The following ITGBL1 variants were observed in gnomAD, a reference collection of about 807,000 sequenced individuals.
ITGBL1 encodes the protein integrin subunit beta like 1, also known as integrin beta-like protein 1.
In ITGBL1, 51 loss-of-function variants were observed where a neutral mutation model predicts 68.5. That is an observed-to-expected ratio of 0.74 (90% confidence interval 0.59 to 0.94). The LOEUF (loss-of-function observed/expected upper bound fraction) is 0.94. Ranked by LOEUF, ITGBL1 falls within the 40% of genes least tolerant of loss-of-function variation. The pLI is 0.00. For synonymous variants in ITGBL1, 209 were observed against 227.3 expected, an observed-to-expected ratio of 0.92 and a Z score of 0.72; for missense variants, 649 against 647.4, an observed-to-expected ratio of 1.00 and a Z score of -0.03.
chr13:101,578,132 G>A lies in ITGBL1; in HGVS notation c.587-1155G>A, dbSNP rs76502305. Among the ~76,000 whole-genome samples the A allele has an allele frequency of 9.8e-3, 1,498 of 152,184 alleles. 23 individuals carry two copies. Among genetic ancestry groups the A allele is most frequent in the African/African-American group, 0.034 (1,415 of 41,522 alleles). The stretch of plus-strand genomic sequence containing the variant: ...GTCTCATCTGCTGGACATGAATAGC[G>A]TAGGATACCAGAATATTCTGTTGTA... On this transcript the variant is annotated intron_variant, in intron 4 of 10. Coordinates refer to ENST00000376180, the MANE Select transcript of ITGBL1 (RefSeq NM_004791.3).
In ITGBL1 at chr13:101,592,095, A is replaced by G. The variant is rs548834786; in HGVS notation, c.869-6058A>G. Among the ~76,000 whole-genome samples the G allele has an allele frequency of 4.6e-5, 7 of 152,298 alleles. No individual in the cohort carries two copies. In the East Asian group the frequency reaches 1.4e-3, roughly 29 times the overall value. ...CCACTCTGTAGGAAGCAGAATCAGG[A>G]TTTGAACCCATTATTTTATTGATAA... is the stretch of plus-strand genomic sequence containing the variant. On this transcript the variant is annotated intron_variant, in intron 6 of 10. Transcript: ENST00000376180.
intron 2 of ITGBL1, among the ~76,000 whole-genome samples, chr13:101,538,185 T>C (rs2049612843): frequency 6.6e-6 from 1 of 152,056 alleles, no homozygotes; most frequent in Non-Finnish European, 1.5e-5. Context: ...AAATAGGATT[T>C]GTAGAGACAA....
intron 7 of ITGBL1, among the ~76,000 whole-genome samples, chr13:101,678,916 ATTT>A (rs36009434): frequency 1.3e-5 from 2 of 149,062 alleles, no homozygotes; most frequent in African/African-American, 4.9e-5. Flanking sequence ...ACTTTTTTTA[ATTT>A]TTTTTTTTAT....
At chr13:101,563,780 A>C (rs2050137650) in intron 2 of ITGBL1, among the ~76,000 whole-genome samples, 2 of 152,052 alleles carry the variant, frequency 1.3e-5, no homozygotes, top group African/African-American at 4.8e-5. Context: ...TAGAGAATAC[A>C]TTTCAAATCA....
At chr13:101,543,995 C>T (rs955134203) in intron 2 of ITGBL1, among the ~76,000 whole-genome samples, 19 of 152,208 alleles carry the variant, frequency 1.2e-4, no homozygotes, top group African/African-American at 3.6e-4. Context: ...GCCATGGGTT[C>T]GAACTTCCTC....
At chr13:101,708,062 C>CACATAT (rs1555368064) in intron 9 of ITGBL1, among the ~76,000 whole-genome samples, 1 of 147,994 alleles carries the variant, frequency 6.8e-6, no homozygotes, top group East Asian at 2.0e-4. Flanking sequence ...CACACACACA[C>CACATAT]ACACACATAC....
At chr13:101,618,293 C>T (rs897855251) in intron 7 of ITGBL1, among the ~76,000 whole-genome samples, 10 of 152,148 alleles carry the variant, frequency 6.6e-5, no homozygotes, top group African/African-American at 2.2e-4. Context: ...TATGGTGTTG[C>T]TGGTACCAGA....
intron 7 of ITGBL1, among the ~76,000 whole-genome samples, chr13:101,667,271 A>G (rs1339566043): frequency 2.0e-5 from 3 of 152,204 alleles, no homozygotes; most frequent in Non-Finnish European, 4.4e-5. Flanking sequence ...GAGGGCTAAC[A>G]TATAGTCTTT....
chr13:101,635,580 C>T (rs1470759774), intron 7 of ITGBL1, among the ~76,000 whole-genome samples: 1 of 151,974 alleles, frequency 6.6e-6, no homozygotes, highest in Non-Finnish European at 1.5e-5. Context: ...GGCCATATTT[C>T]AATGAGTGCT....
chr13:101,708,001 C>G (rs1431732696), intron 9 of ITGBL1, among the ~76,000 whole-genome samples: 3 of 151,030 alleles, frequency 2.0e-5, no homozygotes, highest in South Asian at 4.2e-4. Flanking sequence ...CAAGCCTTCT[C>G]CATCTCCCAT....
chr13:101,668,449 G>A (rs896116808), intron 7 of ITGBL1, among the ~76,000 whole-genome samples: 2 of 152,094 alleles, frequency 1.3e-5, no homozygotes, highest in Non-Finnish European at 2.9e-5. Flanking sequence ...TTTTGTTTGT[G>A]TAGCTCTTTA....
intron 7 of ITGBL1, among the ~76,000 whole-genome samples, chr13:101,683,573 T>C (rs1447896282): frequency 6.6e-6 from 1 of 152,028 alleles, no homozygotes; most frequent in Non-Finnish European, 1.5e-5. Flanking sequence ...TATGCTTTTT[T>C]CTCTAGGGAA....
intron 2 of ITGBL1, among the ~76,000 whole-genome samples, chr13:101,469,680 T>A (rs1050740163): frequency 6.6e-6 from 1 of 152,068 alleles, no homozygotes; most frequent in Non-Finnish European, 1.5e-5. Flanking sequence ...TGAAACTCCA[T>A]CTTTCCATCT....
intron 6 of ITGBL1, among the ~76,000 whole-genome samples, chr13:101,596,251 T>C (rs11069449): frequency 0.015 from 2,292 of 152,066 alleles, 19 homozygotes; most frequent in Non-Finnish European, 0.023. Flanking sequence ...CTCTTAGAAA[T>C]AGAGTAGAAG....
chr13:101,676,308 A>C (rs1438733267), intron 7 of ITGBL1, among the ~76,000 whole-genome samples: 1 of 152,034 alleles, frequency 6.6e-6, no homozygotes, highest in East Asian at 1.9e-4. Flanking sequence ...GGGACAGTTT[A>C]CTTTTTTTCT....
At chr13:101,524,961 A>G (rs1594865465) in intron 2 of ITGBL1, among the ~76,000 whole-genome samples, 1 of 152,122 alleles carries the variant, frequency 6.6e-6, no homozygotes, top group East Asian at 1.9e-4. Context: ...TTGGCACTCC[A>G]TTTGTATGTT....
chr13:101,692,526 A>G, intron 7 of ITGBL1, 59 bp from the exon 8 acceptor site: 2 of 1,166,724 alleles, frequency 1.7e-6, no homozygotes, highest in Non-Finnish European at 2.6e-6. Flanking sequence ...CACCTCCTTG[A>G]AAGCCTTAGT....
intron 2 of ITGBL1, among the ~76,000 whole-genome samples, chr13:101,493,854 C>G (rs2048816885): frequency 1.3e-5 from 2 of 152,192 alleles, no homozygotes; most frequent in South Asian, 4.1e-4. Context: ...GGAAACTTGG[C>G]TTTGTGCAAA....
chr13:101,675,556 C>T (rs773919648), intron 7 of ITGBL1, among the ~76,000 whole-genome samples: 9 of 152,122 alleles, frequency 5.9e-5, no homozygotes, highest in Non-Finnish European at 1.2e-4. Flanking sequence ...CAAATCTCCT[C>T]TTCTAGTAAG....
Sources: allele counts gnomAD v4.1 joint callset (sites outside exome capture counted in the v4.1 genomes callset), GRCh38; gene constraint gnomAD v4.1.1; transcripts MANE v1.5; gene names NCBI Gene and HGNC (gene_info 2026-07-23, HGNC 2026-07-21).